GABRB2: variants seen among roughly 807,000 people sequenced by gnomAD.
GABRB2 encodes the protein gamma-aminobutyric acid type A receptor subunit beta2.
In GABRB2, 16 loss-of-function variants were observed where a neutral mutation model predicts 54.7. That is an observed-to-expected ratio of 0.29 (90% CI 0.20 to 0.44). The LOEUF is 0.44. Ranked by LOEUF, GABRB2 falls within the 20% of genes least tolerant of loss-of-function variation. The probability of loss-of-function intolerance (pLI) is 1.00; values close to 1 mark genes in which losing one functional copy is unlikely to be tolerated. For missense variants in GABRB2, 355 were observed against 644.0 expected (o/e 0.55, Z 4.86); for synonymous variants, 244 against 233.8 (o/e 1.04, Z -0.40).
At chr5:161,296,055 T>C (rs1757373082) in intron 9 of GABRB2, among the ~76,000 whole-genome samples, 1 of 152,190 alleles carries the variant, frequency 6.6e-6, no homozygotes, top group Non-Finnish European at 1.5e-5. Context: ...ACAACATTCC[T>C]TGGAAGTGGC....
intron 5 of GABRB2, among the ~76,000 whole-genome samples, chr5:161,391,663 G>A (rs1004389502): frequency 2.4e-4 from 37 of 152,084 alleles, no homozygotes; most frequent in Middle Eastern, 3.2e-3. Context: ...ATTAAGAAAT[G>A]TCTTTATCTT....
intron 5 of GABRB2, among the ~76,000 whole-genome samples, chr5:161,367,947 G>T (rs1254754227): frequency 2.6e-5 from 4 of 152,152 alleles, no homozygotes; most frequent in Non-Finnish European, 4.4e-5. Context: ...TCCATCTGCA[G>T]TCAGGCATCT....
chr5:161,390,340 T>G (rs1212675742), intron 5 of GABRB2, among the ~76,000 whole-genome samples: 1 of 152,034 alleles, frequency 6.6e-6, no homozygotes, highest in African/African-American at 2.4e-5. Flanking sequence ...ACTTTCCATT[T>G]CATGACCTTG....
chr5:161,533,164 T>G (rs1385263798), intron 3 of GABRB2, among the ~76,000 whole-genome samples: 1 of 152,170 alleles, frequency 6.6e-6, no homozygotes, highest in East Asian at 1.9e-4. Context: ...GGAATGCCGA[T>G]AGAATGTGAA....
chr5:161,459,563 A>C, intron 4 of GABRB2, 61 bp downstream of exon 4: 2 of 1,316,566 alleles, frequency 1.5e-6, no homozygotes, highest in Non-Finnish European at 2.2e-6. Flanking sequence ...ATTTCCATCC[A>C]ATGAAAATTA....
At chr5:161,320,609 T>A (rs973734850) in intron 9 of GABRB2, among the ~76,000 whole-genome samples, 2 of 151,922 alleles carry the variant, frequency 1.3e-5, no homozygotes, top group Non-Finnish European at 3.0e-5. Context: ...ATAGTAATAA[T>A]GATCAATTCT....
chr5:161,375,646 A>G (rs1250760926), intron 5 of GABRB2, among the ~76,000 whole-genome samples: 1 of 152,228 alleles, frequency 6.6e-6, no homozygotes, highest in Non-Finnish European at 1.5e-5. Context: ...CAGCACCAGC[A>G]CTATCTTTCT....
rs150897967 is a variant in GABRB2 at position 161,387,100 on chromosome 5, A to C, written c.541+23875T>G. On this transcript the variant is annotated intron_variant, in intron 5 of 9. Transcript: ENST00000393959. ...TATTTATATATCATGATCAAATAGA[A>C]ATGCAATATTTTGTAATTACAATAA... Among the ~76,000 whole-genome samples, 1,154 of 152,186 alleles carry C rather than the reference A, an allele frequency of 7.6e-3. 21 individuals are homozygous for C. Among genetic ancestry groups the C allele is most frequent in the South Asian group, 0.05 (241 of 4,806 alleles).
At chr5:161,538,949 T>G (rs1760729936) in intron 3 of GABRB2, among the ~76,000 whole-genome samples, 1 of 152,214 alleles carries the variant, frequency 6.6e-6, no homozygotes, top group Admixed American at 6.5e-5. Flanking sequence ...GCTAAATAAG[T>G]TTGTTGAATG....
At chr5:161,435,817 C>T (rs975507480) in intron 4 of GABRB2, among the ~76,000 whole-genome samples, 1 of 152,128 alleles carries the variant, frequency 6.6e-6, no homozygotes, top group African/African-American at 2.4e-5. Flanking sequence ...CAGTAATATC[C>T]TAAGTTGAAT....
chr5:161,305,239 A>G (rs1040860045), intron 9 of GABRB2, among the ~76,000 whole-genome samples: 2 of 151,180 alleles, frequency 1.3e-5, no homozygotes, highest in African/African-American at 4.9e-5. Flanking sequence ...GATGGTCTCG[A>G]TCTCCTGACC....
At chr5:161,421,898 A>T (rs1056111498) in intron 4 of GABRB2, among the ~76,000 whole-genome samples, 3 of 152,222 alleles carry the variant, frequency 2.0e-5, no homozygotes, top group African/African-American at 7.2e-5. Context: ...TAAAATAGGC[A>T]GTAAATATGT....
chr5:161,481,181 C>T (rs1758751872), intron 3 of GABRB2, among the ~76,000 whole-genome samples: 2 of 151,880 alleles, frequency 1.3e-5, no homozygotes, highest in Non-Finnish European at 2.9e-5. Flanking sequence ...CCAGTTTTCC[C>T]TGAAAACATT....
At chr5:161,518,549 C>T (rs543987610) in intron 3 of GABRB2, among the ~76,000 whole-genome samples, 6 of 152,300 alleles carry the variant, frequency 3.9e-5, no homozygotes, top group East Asian at 1.9e-4. Context: ...CTGTTACTAT[C>T]TATGACCCCA....
At chr5:161,431,523 C>G (rs1041990477) in intron 4 of GABRB2, among the ~76,000 whole-genome samples, 1 of 152,130 alleles carries the variant, frequency 6.6e-6, no homozygotes, top group Admixed American at 6.6e-5. Context: ...ACATAACTGG[C>G]AAGAATGCTC....
chr5:161,369,396 G>A (rs1209341002), intron 5 of GABRB2, among the ~76,000 whole-genome samples: 1 of 152,154 alleles, frequency 6.6e-6, no homozygotes, highest in East Asian at 1.9e-4. Context: ...GGCATATAGT[G>A]CAGATTTCTC....
chr5:161,543,464 A>G (rs1287033211), intron 3 of GABRB2, among the ~76,000 whole-genome samples: 1 of 152,120 alleles, frequency 6.6e-6, no homozygotes, highest in Non-Finnish European at 1.5e-5. Flanking sequence ...ATTTTTCTTG[A>G]TATGTTTCAC....
At chr5:161,432,376 T>C (rs910617592) in intron 4 of GABRB2, among the ~76,000 whole-genome samples, 1 of 152,208 alleles carries the variant, frequency 6.6e-6, no homozygotes, top group African/African-American at 2.4e-5. Flanking sequence ...GCACAATTTA[T>C]ACTGTGAGCT....
At chr5:161,304,265 C>T (rs1201266770) in intron 9 of GABRB2, among the ~76,000 whole-genome samples, 1 of 152,230 alleles carries the variant, frequency 6.6e-6, no homozygotes, top group Non-Finnish European at 1.5e-5. Context: ...GTTTAGCCCA[C>T]AGGCTGCTGC....
Sources: allele counts gnomAD v4.1 joint callset (sites outside exome capture counted in the v4.1 genomes callset), GRCh38; gene constraint gnomAD v4.1.1; transcripts MANE v1.5; gene names NCBI Gene and HGNC (gene_info 2026-07-23, HGNC 2026-07-21).